Variants in MGMT observed in about 807,000 individuals in gnomAD.
MGMT encodes methylated-DNA--protein-cysteine methyltransferase.
MGMT carries 14 observed loss-of-function variants against 15.9 expected under a neutral mutation model. The ratio of observed to expected loss-of-function variants is 0.88; its 90% confidence interval spans 0.58 to 1.37. The LOEUF is 1.37. Ranked by LOEUF, MGMT falls within the 40% of genes most tolerant of loss-of-function variation. The pLI is 0.00. For missense variants in MGMT, 282 were observed against 268.1 expected (o/e 1.05, Z -0.36); for synonymous variants, 130 against 118.2 (o/e 1.10, Z -0.65).
chr10:129,663,594 A>T (rs1847625099), intron 2 of MGMT, among the ~76,000 whole-genome samples: 1 of 152,290 alleles, frequency 6.6e-6, no homozygotes, highest in East Asian at 1.9e-4. Flanking sequence ...TATTTTATTC[A>T]AGGAAAAAAA....
intron 3 of MGMT, among the ~76,000 whole-genome samples, chr10:129,746,257 AAAC>A (rs1848694856): frequency 6.9e-6 from 1 of 144,238 alleles, no homozygotes; most frequent in African/African-American, 2.7e-5. Context: ...AAAAAAAAAC[AAAC>A]AAAAAAAAAC....
chr10:129,498,308 C>T (rs1025053819), intron 1 of MGMT, among the ~76,000 whole-genome samples: 1 of 152,158 alleles, frequency 6.6e-6, no homozygotes, highest in African/African-American at 2.4e-5. Context: ...TAATTAATAC[C>T]TTGGGGGAGA....
At chr10:129,526,643 G>C (rs1231379445) in intron 1 of MGMT, among the ~76,000 whole-genome samples, 2 of 152,168 alleles carry the variant, frequency 1.3e-5, no homozygotes, top group Non-Finnish European at 2.9e-5. Flanking sequence ...GCAGGTGCAC[G>C]TCACCACACC....
chr10:129,646,719 A>AAT (rs10543851), intron 2 of MGMT, among the ~76,000 whole-genome samples: 1,241 of 81,558 alleles, frequency 0.015, 33 homozygotes, highest in African/African-American at 0.026. Context: ...GCCCATCAGA[A>AAT]ATATATATAT....
chr10:129,497,743 A>G (rs1009644338), intron 1 of MGMT, among the ~76,000 whole-genome samples: 1 of 152,172 alleles, frequency 6.6e-6, no homozygotes, highest in Non-Finnish European at 1.5e-5. Flanking sequence ...CCTTTGGGCA[A>G]TGACTAGGTC....
chr10:129,760,064 A>G (rs1279310169), intron 4 of MGMT, among the ~76,000 whole-genome samples: 4 of 152,220 alleles, frequency 2.6e-5, no homozygotes, highest in African/African-American at 9.6e-5. Flanking sequence ...CCAGAGGACA[A>G]GGCCCAACCG....
intron 2 of MGMT, among the ~76,000 whole-genome samples, chr10:129,658,471 C>G (rs1847557510): frequency 6.6e-6 from 1 of 152,214 alleles, no homozygotes; most frequent in Non-Finnish European, 1.5e-5. Flanking sequence ...TTATTTGATT[C>G]TAATTCAGTA....
chr10:129,529,239 C>A (rs1845904246), intron 1 of MGMT, among the ~76,000 whole-genome samples: 1 of 151,790 alleles, frequency 6.6e-6, no homozygotes, highest in Non-Finnish European at 1.5e-5. Context: ...GAAGTGTGGG[C>A]CTGCCGAATT....
At chr10:129,488,130 A>C (rs1472037046) in intron 1 of MGMT, among the ~76,000 whole-genome samples, 7 of 151,786 alleles carry the variant, frequency 4.6e-5, no homozygotes, top group African/African-American at 1.7e-4. Context: ...CATTCTACTC[A>C]AGGGTAGAAT....
rs538776512 is a variant in MGMT, at chr10:129,626,092, C to T, written c.126-81803C>T. On this transcript the variant is annotated intron_variant, in intron 2 of 4. Coordinates refer to ENST00000651593, the MANE Select transcript of MGMT (RefSeq NM_002412.5). ...GGCAGAGTGGCGATTTGTACTGGGC[C>T]AACGGGGCAGCCACTGTTACTTATG... Among the ~76,000 whole-genome samples the T allele has an allele frequency of 1.1e-4, 16 of 152,224 alleles. No individual in the cohort carries two copies. In the East Asian group the frequency reaches 2.3e-3, roughly 22 times the overall value.
At chr10:129,764,724 C>T (rs1192602582) in intron 4 of MGMT, among the ~76,000 whole-genome samples, 1 of 152,204 alleles carries the variant, frequency 6.6e-6, no homozygotes, top group Non-Finnish European at 1.5e-5. Flanking sequence ...CCGGGGGTAC[C>T]CGGAGTGATA....
chr10:129,637,137 G>T (rs1418580095), intron 2 of MGMT, among the ~76,000 whole-genome samples: 1 of 152,324 alleles, frequency 6.6e-6, no homozygotes, highest in East Asian at 1.9e-4. Flanking sequence ...AAGCTCCACT[G>T]GGTGTAAGTG....
intron 3 of MGMT, among the ~76,000 whole-genome samples, chr10:129,711,508 C>T (rs749310904): frequency 6.6e-6 from 1 of 152,198 alleles, no homozygotes; most frequent in Non-Finnish European, 1.5e-5. Context: ...GGAAGGAAGC[C>T]TCATTGTTCT....
At chr10:129,639,164 C>T (rs750791720) in intron 2 of MGMT, among the ~76,000 whole-genome samples, 2 of 151,702 alleles carry the variant, frequency 1.3e-5, no homozygotes, top group Non-Finnish European at 2.9e-5. Flanking sequence ...ATACAAAGAT[C>T]TTAAAAAACC....
intron 1 of MGMT, among the ~76,000 whole-genome samples, chr10:129,534,575 C>T (rs909199045): frequency 6.6e-6 from 1 of 152,028 alleles, no homozygotes. Context: ...ATGCACCTCT[C>T]TCTCCTCGTT....
At chr10:129,716,648 G>T (rs1194595546) in intron 3 of MGMT, among the ~76,000 whole-genome samples, 1 of 152,166 alleles carries the variant, frequency 6.6e-6, no homozygotes, top group Non-Finnish European at 1.5e-5. Flanking sequence ...AATAAAATAT[G>T]CAAGAACCAA....
intron 2 of MGMT, among the ~76,000 whole-genome samples, chr10:129,662,380 C>T (rs748971651): frequency 5.3e-5 from 8 of 152,108 alleles, no homozygotes; most frequent in South Asian, 2.1e-4. Context: ...CGGAACTTTC[C>T]GTTTTAACAC....
intron 3 of MGMT, among the ~76,000 whole-genome samples, chr10:129,728,763 G>A (rs1165930655): frequency 6.6e-6 from 1 of 150,438 alleles, no homozygotes; most frequent in Non-Finnish European, 1.5e-5. Flanking sequence ...CTGTCCCCCT[G>A]GTATTGGTTC....
chr10:129,653,233 C>T (rs532140845), intron 2 of MGMT, among the ~76,000 whole-genome samples: 33 of 152,260 alleles, frequency 2.2e-4, no homozygotes, highest in Non-Finnish European at 4.1e-4. Context: ...ATCGAGCCTG[C>T]TCTGGAGTTA....
Sources: gnomAD v4.1 joint callset for allele counts (sites outside exome capture counted in the v4.1 genomes callset) on GRCh38, gnomAD v4.1.1 for gene constraint, MANE v1.5 for transcripts, NCBI Gene and HGNC (gene_info 2026-07-23, HGNC 2026-07-21) for gene names.